DSCAML1: variants seen among roughly 807,000 people sequenced by gnomAD.
The protein encoded by DSCAML1 is DS cell adhesion molecule like 1.
In DSCAML1, 38 loss-of-function variants were observed where a neutral mutation model predicts 200.5. That is an observed-to-expected ratio of 0.19 (90% CI 0.15 to 0.25). DSCAML1 has a LOEUF of 0.25. DSCAML1 is among the 10% of genes least tolerant of loss of function. The pLI, the probability that DSCAML1 is intolerant of heterozygous loss-of-function variation, is 1.00. For missense variants in DSCAML1, 2,223 were observed against 2,858.8 expected, an observed-to-expected ratio of 0.78 and a Z score of 5.07; for synonymous variants, 1,215 against 1,165.0, an observed-to-expected ratio of 1.04 and a Z score of -0.87.
At chr11:117,772,347 C>T (rs2055054595) in intron 3 of DSCAML1, among the ~76,000 whole-genome samples, 1 of 152,154 alleles carries the variant, frequency 6.6e-6, no homozygotes, top group Admixed American at 6.5e-5. Flanking sequence ...TCTCATGTCA[C>T]AGGACCCCTC....
Position 117,469,799 on chromosome 11 carries a change from T to A in DSCAML1, c.3024+111A>T. The A allele has an allele frequency of 1.0e-6, 1 of 956,420 alleles. No homozygotes were observed. Among genetic ancestry groups the A allele is most frequent in the East Asian group, 2.8e-5 (1 of 35,904 alleles). The allele number at this position is 956,420 out of a possible 1,614,324, so 59.2% of individuals were successfully genotyped here. A position where few individuals can be genotyped will look rare whatever the true frequency, so the allele number is the denominator to read the frequency against. ...ACTAGGTTTAGTGACAAAACAGACATGGGCATCATATAAGACTAGAGACTA... is the reference window on the plus strand; with the variant it reads ...ACTAGGTTTAGTGACAAAACAGACAAGGGCATCATATAAGACTAGAGACTA... On this transcript the variant is annotated intron_variant, in intron 16 of 32. Coordinates refer to ENST00000651296, the MANE Select transcript of DSCAML1 (RefSeq NM_020693.4). This position sits in a 1 kb window ranked among gnomAD's most constrained non-coding sequence, Gnocchi z 4.1.
In DSCAML1 at chr11:117,618,128, T is replaced by G. The variant is rs542368277; in HGVS notation, c.512-85606A>C. On this transcript the variant is annotated intron_variant, in intron 3 of 32. Transcript: ENST00000651296. ...GACATGAAATTCAGAGTTACTTGAATGAAATTTTTAAGCTATTCAATACAG... is the reference window on the plus strand; with the variant it reads ...GACATGAAATTCAGAGTTACTTGAAGGAAATTTTTAAGCTATTCAATACAG... 1.1e-4 allele frequency among the ~76,000 whole-genome samples: 16 copies of G among 152,328 alleles called. No individual in the cohort carries two copies. In the South Asian group the frequency reaches 3.3e-3, roughly 32 times the overall value.
At chr11:117,755,027 T>C (rs2054663033) in intron 3 of DSCAML1, among the ~76,000 whole-genome samples, 1 of 152,154 alleles carries the variant, frequency 6.6e-6, no homozygotes, top group Non-Finnish European at 1.5e-5. Flanking sequence ...TGAATCAGTA[T>C]TATTTTTGTT....
rs146998934 is a variant in DSCAML1 at position 117,802,755 on chromosome 11, C to T, written c.-250+14635G>A. 1.7e-4 allele frequency among the ~76,000 whole-genome samples: 26 copies of T among 152,298 alleles called. No homozygotes were observed. The East Asian group carries it at 5.0e-3, about 29-fold the overall frequency. ...CATCTTGACCTTGTAGGCAGCGCCT[C>T]TAGGTTCCAGAGGCTTTATGTTTTC... On this transcript the variant is annotated intron_variant, in intron 1 of 2. Transcript: ENST00000525836.
At chr11:117,488,546 CACACACACACCACACA>C (rs1443506850) in intron 11 of DSCAML1, among the ~76,000 whole-genome samples, 1 of 152,024 alleles carries the variant, frequency 6.6e-6, no homozygotes, top group Non-Finnish European at 1.5e-5. Flanking sequence ...CACAGACACA[CACACACACACCACACA>C]CAGAGGGGCA....
Position 117,503,485 on chromosome 11 carries a change from C to T in DSCAML1, c.2359+360G>A, listed in dbSNP as rs529493851. Among the ~76,000 whole-genome samples, 1 of 152,310 alleles carries T rather than the reference C, an allele frequency of 6.6e-6. No homozygotes were observed. Among genetic ancestry groups the T allele is most frequent in the Non-Finnish European group, 1.5e-5 (1 of 68,024 alleles). ...TTCTAAGCCACAAGCAGGTTGTACA[C>T]AAGCAAGTGTATATTAAGTAGCAAA... On this transcript the variant is annotated intron_variant, in intron 11 of 32. Transcript: ENST00000651296. This position sits in a 1 kb window ranked among gnomAD's most constrained non-coding sequence, Gnocchi z 5.2.
intron 3 of DSCAML1, among the ~76,000 whole-genome samples, chr11:117,669,029 C>T (rs146111310): frequency 3.3e-5 from 5 of 152,218 alleles, no homozygotes; most frequent in African/African-American, 1.2e-4. Context: ...TTCCAGCCAC[C>T]TCTCCTCTCC....
Position 117,504,130 on chromosome 11 carries a change from T to C in DSCAML1, c.2183-109A>G. On this transcript the variant is annotated intron_variant, in intron 10 of 32. Transcript: ENST00000651296. The surrounding 1 kb of genome is among the most constrained non-coding windows in gnomAD (Gnocchi z 5.0). Reference sequence around the variant, plus strand: ...CTCTTGCAGATCTAGGGCCATTTTGTAGCAGAGCTGCACCATCCCCAAAGT... The same window carrying C: ...CTCTTGCAGATCTAGGGCCATTTTGCAGCAGAGCTGCACCATCCCCAAAGT... 1 of 1,313,868 alleles carries C rather than the reference T, an allele frequency of 7.6e-7. No individual in the cohort carries two copies. The allele number at this position is 1,313,868 out of a possible 1,614,324, so 81.4% of individuals were successfully genotyped here.
At chr11:117,687,052 A>AG (rs1000879017) in intron 3 of DSCAML1, among the ~76,000 whole-genome samples, 3 of 152,116 alleles carry the variant, frequency 2.0e-5, no homozygotes. Flanking sequence ...CTGCAGACAC[A>AG]GGGGTACCCC....
intron 3 of DSCAML1, among the ~76,000 whole-genome samples, chr11:117,661,494 T>C (rs1041160630): frequency 1.3e-5 from 2 of 152,182 alleles, no homozygotes; most frequent in African/African-American, 4.8e-5. Flanking sequence ...AAACATCAAG[T>C]TACATTTGCA....
chr11:117,540,950 T>G (rs751767532), intron 3 of DSCAML1, among the ~76,000 whole-genome samples: 7 of 152,212 alleles, frequency 4.6e-5, no homozygotes, highest in Non-Finnish European at 8.8e-5. Flanking sequence ...AGATATTGCG[T>G]AGGGGATTTC....
At chr11:117,767,018 C>T (rs2054910188) in intron 3 of DSCAML1, among the ~76,000 whole-genome samples, 1 of 152,122 alleles carries the variant, frequency 6.6e-6, no homozygotes, top group African/African-American at 2.4e-5. Flanking sequence ...TCCCTCAGTG[C>T]CCCCAAGCCT....
intron 1 of DSCAML1, among the ~76,000 whole-genome samples, chr11:117,809,815 C>T (rs1040472026): frequency 6.6e-6 from 1 of 152,106 alleles, no homozygotes; most frequent in African/African-American, 2.4e-5. Context: ...CAACTAGCAA[C>T]GCACAACACA....
chr11:117,555,722 G>A (rs2050547604), intron 3 of DSCAML1, among the ~76,000 whole-genome samples: 1 of 152,140 alleles, frequency 6.6e-6, no homozygotes, highest in South Asian at 2.1e-4. Flanking sequence ...AGACTTGAGT[G>A]ACCAGAGAGG....
At chr11:117,593,580 G>A (rs1488400681) in intron 3 of DSCAML1, among the ~76,000 whole-genome samples, 1 of 152,246 alleles carries the variant, frequency 6.6e-6, no homozygotes, top group African/African-American at 2.4e-5. Context: ...CATTTATCAG[G>A]AAAGACTGGG....
At chr11:117,471,131 C>A (rs913370417) in intron 15 of DSCAML1, among the ~76,000 whole-genome samples, 1 of 151,394 alleles carries the variant, frequency 6.6e-6, no homozygotes, top group Non-Finnish European at 1.5e-5. Flanking sequence ...TTACCTTATG[C>A]TTGTTTATAA....
At chr11:117,630,658 CAAAAA>C (rs56741831) in intron 3 of DSCAML1, among the ~76,000 whole-genome samples, 133 of 45,586 alleles carry the variant, frequency 2.9e-3, no homozygotes, top group African/African-American at 9.0e-3. Flanking sequence ...ATAAAGTGGC[CAAAAA>C]AAAAAAAAAA....
Position 117,525,049 on chromosome 11 carries a change from G to T in DSCAML1, c.693C>A (p.Gly231=). 1 of 1,588,236 alleles carries T rather than the reference G, an allele frequency of 6.3e-7. No homozygotes were observed. ...CGGCCCACACTTCCTGGGAGTGGAA[G>T]CCATCCAGGATGGTGGGGATCGACT... ...PAESIPTILD[G]FHSQEVWAGH... is the part of the protein sequence containing the mutation. The change falls in exon 5 of 33, where the codon GGC becomes GGA. Residue 231 remains glycine (G), a synonymous_variant. Coordinates refer to ENST00000651296, the MANE Select transcript of DSCAML1 (RefSeq NM_020693.4).
chr11:117,736,224 G>A (rs2054313350), intron 3 of DSCAML1, among the ~76,000 whole-genome samples: 1 of 152,166 alleles, frequency 6.6e-6, no homozygotes, highest in South Asian at 2.1e-4. Context: ...TCACCACGAG[G>A]CTTGGCTGGT....
Sources: allele counts gnomAD v4.1 joint callset (sites outside exome capture counted in the v4.1 genomes callset), GRCh38; gene constraint gnomAD v4.1.1; non-coding constraint Gnocchi (gnomAD v3.1); transcripts MANE v1.5; gene names NCBI Gene and HGNC (gene_info 2026-07-23, HGNC 2026-07-21).